Variants in BST1 observed in about 807,000 individuals in gnomAD.
The protein encoded by BST1 is ADP-ribosyl cyclase/cyclic ADP-ribose hydrolase 2.
Under a neutral mutation model 40.6 loss-of-function variants are expected in BST1, and 49 were observed. That is an observed-to-expected ratio of 1.21 (90% CI 0.96 to 1.53). The LOEUF is 1.53. BST1 is among the 40% of genes most tolerant of loss of function. The pLI, the probability that BST1 is intolerant of heterozygous loss-of-function variation, is 0.00. For missense variants in BST1, 423 were observed against 395.9 expected, an observed-to-expected ratio of 1.07 and a Z score of -0.58; for synonymous variants, 157 against 159.3, an observed-to-expected ratio of 0.99 and a Z score of 0.11.
At chr4:15,767,163 C>T in the BST1 span, among the ~76,000 whole-genome samples, 54 of 150,272 alleles carry the variant, frequency 3.6e-4, no homozygotes, top group South Asian at 9.5e-3. Context: ...TGGCAAGGAG[C>T]GGATAACCCT....
intron 8 of BST1, among the ~76,000 whole-genome samples, chr4:15,728,674 G>T: frequency 1.6e-5 from 2 of 127,046 alleles, no homozygotes; most frequent in Non-Finnish European, 3.2e-5. Flanking sequence ...ATGGAGTCTT[G>T]CTCTGTCACC....
At chr4:15,731,060 A>G in intron 8 of BST1, 1 of 506,816 alleles carries the variant, frequency 2.0e-6, no homozygotes, top group Non-Finnish European at 3.6e-6. Context: ...AATGTCACCA[A>G]GAAGTTGACA....
chr4:15,724,567 C>T (rs1577589477), intron 8 of BST1, among the ~76,000 whole-genome samples: 1 of 151,894 alleles, frequency 6.6e-6, no homozygotes, highest in Non-Finnish European at 1.5e-5. Flanking sequence ...GTGCCTGTAA[C>T]CCCAGCTACT....
chr4:15,735,671 C>T (rs1432239494), downstream of BST1, among the ~76,000 whole-genome samples: 1 of 152,164 alleles, frequency 6.6e-6, no homozygotes, highest in Non-Finnish European at 1.5e-5. Context: ...CATGGTTTGT[C>T]TCAGGACCGT....
At chr4:15,710,612 C>T (rs894436788) in intron 3 of BST1, among the ~76,000 whole-genome samples, 1 of 152,158 alleles carries the variant, frequency 6.6e-6, no homozygotes, top group African/African-American at 2.4e-5. Context: ...CCTCTGGTAG[C>T]CACTATTCTA....
intron 8 of BST1, among the ~76,000 whole-genome samples, chr4:15,730,684 G>A (rs1721326224): frequency 6.6e-6 from 1 of 152,208 alleles, no homozygotes; most frequent in East Asian, 1.9e-4. Context: ...AGGAAAGAAT[G>A]TCTTGAGATG....
chr4:15,712,776 GCCCAC>G (rs1004886285), intron 4 of BST1, among the ~76,000 whole-genome samples: 20 of 152,276 alleles, frequency 1.3e-4, no homozygotes, highest in Non-Finnish European at 2.2e-4. Flanking sequence ...GTGCTCTGCT[GCCCAC>G]CCCAAGAGAG....
chr4:15,735,616 G>A (rs1466675747), downstream of BST1, among the ~76,000 whole-genome samples: 1 of 152,172 alleles, frequency 6.6e-6, no homozygotes, highest in Non-Finnish European at 1.5e-5. Context: ...TGGGTACTTA[G>A]AGAAAGAGAA....
chr4:15,749,192 C>T, the BST1 span, among the ~76,000 whole-genome samples: 3 of 152,138 alleles, frequency 2.0e-5, no homozygotes, highest in African/African-American at 4.8e-5. Context: ...CAGGCTGCCC[C>T]GTGTGGGGGC....
At chr4:15,768,915 A>G in the BST1 span, among the ~76,000 whole-genome samples, 1 of 152,226 alleles carries the variant, frequency 6.6e-6, no homozygotes, top group East Asian at 1.9e-4. Context: ...ACTATGGGGC[A>G]TAAATCCCCT....
At position 15,703,158 on chromosome 4, in the gene BST1, G is replaced by A. The variant is rs1169757714; in HGVS notation, c.14G>A (p.Gly5Glu). 1 of 1,576,622 alleles carries A rather than the reference G, an allele frequency of 6.3e-7. No individual in the cohort carries two copies. The highest frequency in any genetic ancestry group is 8.6e-7 in the Non-Finnish European group (1 of 1,162,962). The stretch of plus-strand genomic sequence containing the variant: ...CAAAGTTCCCCGATGGCGGCCCAGG[G>A]GTGCGCGGCATCGCGGCTGCTCCAG... MAAQGCAASRLLQLL... is the reference protein window; with the variant it reads MAAQECAASRLLQLL... Residue 5 changes from glycine to glutamate, a missense_variant, in exon 1 of 9, where the codon GGG (glycine) becomes GAG (glutamate). Coordinates refer to ENST00000265016, the MANE Select transcript of BST1 (RefSeq NM_004334.3).
At chr4:15,722,592 ATTTTTTTT>A (rs1012036868) in intron 7 of BST1, among the ~76,000 whole-genome samples, 2 of 120,306 alleles carry the variant, frequency 1.7e-5, no homozygotes, top group African/African-American at 3.3e-5. Flanking sequence ...TAATTTTTAG[ATTTTTTTT>A]TTTTTTTTTT....
chr4:15,759,701 CA>C, the BST1 span, among the ~76,000 whole-genome samples: 2 of 129,262 alleles, frequency 1.5e-5, no homozygotes, highest in East Asian at 2.3e-4. Flanking sequence ...GTTTCTGTAA[CA>C]GGGGGTGTCA....
chr4:15,715,886 T>TGAAAATG, intron 6 of BST1, 87 bp downstream of exon 6: 1 of 1,024,824 alleles, frequency 9.8e-7, no homozygotes, highest in Non-Finnish European at 1.4e-6. Flanking sequence ...ACATTTTCAG[T>TGAAAATG]TTAGGGGAAA....
the BST1 span, among the ~76,000 whole-genome samples, chr4:15,770,497 G>T: frequency 6.6e-6 from 1 of 152,166 alleles, no homozygotes; most frequent in East Asian, 1.9e-4. Flanking sequence ...CTGAGGTCAG[G>T]AGTTCATGAC....
chr4:15,739,046 A>G (rs1203764047), downstream of BST1, among the ~76,000 whole-genome samples: 1 of 152,160 alleles, frequency 6.6e-6, no homozygotes, highest in Non-Finnish European at 1.5e-5. Context: ...GGCATTTGAA[A>G]CCCAGAACTC....
Position 15,705,530 on chromosome 4 carries a change from A to C in BST1, c.204A>C (p.Thr68=), listed in dbSNP as rs1719832081. The C allele has an allele frequency of 1.3e-6, 2 of 1,592,672 alleles. No individual in the cohort carries two copies. The highest frequency in any genetic ancestry group is 1.3e-5 in the African/African-American group (1 of 74,148). Residue 68 remains threonine (T), a synonymous_variant, in exon 2 of 9, where the codon ACA becomes ACC. Transcript: ENST00000265016. The part of the protein sequence containing the change: ...LSPEQRNKNC[T]AIWEAFKVAL... ...TTTTGCACAGGAACAAGAACTGCACAGCCATCTGGGAAGCCTTTAAAGTGG... is the reference window on the plus strand; with the variant it reads ...TTTTGCACAGGAACAAGAACTGCACCGCCATCTGGGAAGCCTTTAAAGTGG...
downstream of BST1, among the ~76,000 whole-genome samples, chr4:15,739,554 C>CGTGTGTGTGTGT (rs58171340): frequency 2.9e-3 from 422 of 144,046 alleles, 2 homozygotes; most frequent in Non-Finnish European, 4.4e-3. Flanking sequence ...GAAGCCAAAC[C>CGTGTGTGTGTGT]GTGTGTGTGT....
chr4:15,768,925 T>C, the BST1 span, among the ~76,000 whole-genome samples: 1 of 152,332 alleles, frequency 6.6e-6, no homozygotes, highest in Admixed American at 6.5e-5. Context: ...ATAAATCCCC[T>C]TTGAGAACAG....
Sources: gnomAD v4.1 joint callset for allele counts (sites outside exome capture counted in the v4.1 genomes callset) on GRCh38, gnomAD v4.1.1 for gene constraint, MANE v1.5 for transcripts, NCBI Gene and HGNC (gene_info 2026-07-23, HGNC 2026-07-21) for gene names.